Variants in USP36 observed in about 807,000 individuals in gnomAD.
The protein encoded by USP36 is ubiquitin specific peptidase 36.
In USP36, 59 loss-of-function variants were observed where a neutral mutation model predicts 111.5. The observed-to-expected ratio is 0.53, with a 90% CI of 0.43 to 0.66. The LOEUF (loss-of-function observed/expected upper bound fraction) is 0.66, where lower values mean the gene tolerates loss of function less well. Among genes scored for constraint, USP36 ranks in the 30% least tolerant of loss-of-function variants. The probability of loss-of-function intolerance (pLI) is 0.00; values close to 1 mark genes in which losing one functional copy is unlikely to be tolerated. For missense variants in USP36, 1,488 were observed against 1,468.0 expected (o/e 1.01, Z -0.22); for synonymous variants, 628 against 581.0 (o/e 1.08, Z -1.16).
chr17:78,795,336 GGGT>G (rs1166055920), downstream of USP36, among the ~76,000 whole-genome samples: 1 of 152,236 alleles, frequency 6.6e-6, no homozygotes, highest in Non-Finnish European at 1.5e-5. This position sits in a 1 kb window ranked among gnomAD's most constrained non-coding sequence, Gnocchi z 4.5. Flanking sequence ...GGATACCGTG[GGGT>G]GGAGAAAGCT....
At chr17:78,806,334 C>T (rs62075588) in intron 14 of USP36, 48 bp from the exon 15 acceptor site, 49,679 of 1,609,926 alleles carry the variant, frequency 0.031, 881 homozygotes, top group Non-Finnish European at 0.036. Context: ...AAAAAGGTTT[C>T]CGTGAGTGAA....
chr17:78,822,300 G>A (rs192715755), intron 6 of USP36, among the ~76,000 whole-genome samples: 6 of 152,280 alleles, frequency 3.9e-5, no homozygotes, highest in East Asian at 1.9e-4. Context: ...AGAAATGTAC[G>A]TGTATCCTCA....
intron 12 of USP36, among the ~76,000 whole-genome samples, chr17:78,813,288 C>T (rs1483761080): frequency 6.6e-6 from 1 of 151,844 alleles, no homozygotes; most frequent in African/African-American, 2.4e-5. Context: ...ACACCTCAGC[C>T]ACACTCTGCA....
At chr17:78,789,707 A>C (rs891600956) in intron 3 of USP36, among the ~76,000 whole-genome samples, 9 of 152,318 alleles carry the variant, frequency 5.9e-5, no homozygotes, top group African/African-American at 1.9e-4. Context: ...GCTGTCACCA[A>C]CTGTTCCCTG....
At position 78,807,589 on chromosome 17, in the gene USP36, A is replaced by G; in HGVS notation, c.1455T>C (p.Ile485=). 6.3e-7 allele frequency: 1 copy of G among 1,589,118 alleles called. No individual in the cohort carries two copies. Among genetic ancestry groups the G allele is most frequent in the South Asian group, 1.1e-5 (1 of 86,990 alleles). The change falls in exon 14 of 21, where the codon ATT becomes ATC. Residue 485 remains isoleucine (I), a synonymous_variant. Transcript: ENST00000449938. ...AGCCATTCCTGGATATGGGCACACCAATCTCTTCAGTGGTGTGCGGCTTCT... is the reference window on the plus strand; with the variant it reads ...AGCCATTCCTGGATATGGGCACACCGATCTCTTCAGTGGTGTGCGGCTTCT... ...TMKKPHTTEE[I]GVPISRNGST...
Position 78,798,252 on chromosome 17 carries a change from C to T in USP36, c.*20+148G>A. 9.3e-7 allele frequency: 1 copy of T among 1,076,298 alleles called. No homozygotes were observed. The highest frequency in any genetic ancestry group is 1.3e-6 in the Non-Finnish European group (1 of 763,232). The allele number at this position is 1,076,298 out of a possible 1,614,324, so 66.7% of individuals were successfully genotyped here. The stretch of plus-strand genomic sequence containing the variant: ...ACTAGGACACACACCACAGACGCGC[C>T]CACACCACACACACCACCCAACACA... On this transcript the variant is annotated intron_variant, in intron 20 of 20. Transcript: ENST00000449938. This position sits in a 1 kb window ranked among gnomAD's most constrained non-coding sequence, Gnocchi z 5.1.
chr17:78,806,129 C>T, intron 15 of USP36, 27 bp downstream of exon 15: 1 of 1,612,100 alleles, frequency 6.2e-7, no homozygotes, highest in Non-Finnish European at 8.5e-7. Context: ...CCAGTTGGCA[C>T]CCAGAAGATC....
intron 4 of USP36, among the ~76,000 whole-genome samples, chr17:78,830,448 G>A (rs1490740706): frequency 1.3e-5 from 2 of 152,110 alleles, no homozygotes; most frequent in East Asian, 3.8e-4. Context: ...TGCTATCATA[G>A]ACATTTTGCA....
chr17:78,802,122 G>A (rs1375714774), intron 17 of USP36, among the ~76,000 whole-genome samples: 3 of 86,360 alleles, frequency 3.5e-5, no homozygotes, highest in Admixed American at 1.4e-4. Flanking sequence ...GCACACCCAC[G>A]CGGTCCCCCA....
rs760172673 is a variant in USP36, at chr17:78,835,544, G to C, written c.254-43C>G. The C allele has an allele frequency of 1.0e-5, 16 of 1,547,946 alleles. No homozygotes were observed. In the African/African-American group the frequency reaches 2.2e-4, roughly 21 times the overall value. The stretch of plus-strand genomic sequence containing the variant: ...AAGGGAAGAAAAGAGGAAGACGTAA[G>C]TCCACACACAGGTCGTCCACAAAAA... On this transcript the variant is annotated intron_variant, in intron 3 of 20. Transcript: ENST00000449938.
At chr17:78,813,924 A>G (rs1283555289) in intron 11 of USP36, 51 bp from the exon 12 acceptor site, 1 of 1,507,026 alleles carries the variant, frequency 6.6e-7, no homozygotes, top group African/African-American at 1.4e-5. Context: ...CAAGCATCCC[A>G]TTATCCTCAC....
chr17:78,832,187 C>G (rs1167411140), intron 4 of USP36, among the ~76,000 whole-genome samples: 1 of 152,214 alleles, frequency 6.6e-6, no homozygotes, highest in Non-Finnish European at 1.5e-5. Context: ...ACTATTTACA[C>G]AGTGTTTCTC....
intron 3 of USP36, among the ~76,000 whole-genome samples, chr17:78,789,224 G>C (rs1471813482): frequency 7.2e-6 from 1 of 139,126 alleles, no homozygotes; most frequent in Non-Finnish European, 1.6e-5. Context: ...AAAAAAAGGA[G>C]ATGAGGTTTA....
chr17:78,805,091 C>G (rs1006614173), intron 15 of USP36, among the ~76,000 whole-genome samples: 1 of 152,112 alleles, frequency 6.6e-6, no homozygotes, highest in Non-Finnish European at 1.5e-5. Flanking sequence ...CTATGTGTCT[C>G]TAGGAAAATT....
chr17:78,832,477 A>G (rs752027387), intron 4 of USP36, among the ~76,000 whole-genome samples: 1 of 152,244 alleles, frequency 6.6e-6, no homozygotes, highest in Non-Finnish European at 1.5e-5. Flanking sequence ...TGGGACCGGT[A>G]TTGGAAGGAA....
rs1198913589 is a variant in USP36, at chr17:78,805,174, C to T, written c.2216+982G>A. On this transcript the variant is annotated intron_variant, in intron 15 of 20. Coordinates refer to ENST00000449938, the MANE Select transcript of USP36 (RefSeq NM_001385174.1). ...ACCACAAAGCCCACCTCCCAGGGTT[C>T]CTGCAGAAAACAGGACCCCCGTCAT... Among the ~76,000 whole-genome samples, 6 of 152,268 alleles carry T rather than the reference C, an allele frequency of 3.9e-5. No homozygotes were observed. The East Asian group carries it at 1.2e-3, about 29-fold the overall frequency.
At position 78,796,179 on chromosome 17, in the gene USP36, G is replaced by C. The variant is rs1465169807; in HGVS notation, c.*1721C>G. 1 of 152,214 alleles carries C rather than the reference G, an allele frequency of 6.6e-6. No homozygotes were observed. The highest frequency in any genetic ancestry group is 2.4e-5 in the African/African-American group (1 of 41,432). The allele number at this position is 152,214 out of a possible 1,614,324, so 9.4% of individuals were successfully genotyped here. On this transcript the variant is annotated 3_prime_UTR_variant, in exon 21 of 21. Coordinates refer to ENST00000449938, the MANE Select transcript of USP36 (RefSeq NM_001385174.1). ...AGAGACTGATTTGGAGGAGAGAAGG[G>C]AGAGAAAGGAACGAGATAAATTCTG...
At chr17:78,826,598 C>T (rs57718722) in intron 6 of USP36, 8,641 of 156,238 alleles carry the variant, frequency 0.055, 773 homozygotes, top group African/African-American at 0.19. Flanking sequence ...AGTATTTCTA[C>T]GATCCTAAGC....
In USP36 at chr17:78,803,402, C is replaced by G; in HGVS notation, c.2793G>C (p.Gln931His). ...GCCCTTACCTGTGCCGAAGTGGGTC[C>G]TGGTGCAGGCCGCCTTCTTCACCAA... ...EGLGEEGGLH[Q>H]DPLRHSCSPM... The change falls in exon 16 of 21, where the codon CAG becomes CAC. Residue 931 changes from glutamine (Q) to histidine (H), a missense_variant. By Grantham distance (24) the Gln-to-His change is conservative. Coordinates refer to ENST00000449938, the MANE Select transcript of USP36 (RefSeq NM_001385174.1). The surrounding 1 kb of genome is among the most constrained non-coding windows in gnomAD (Gnocchi z 4.6). 1 of 1,613,620 alleles carries G rather than the reference C, an allele frequency of 6.2e-7. No individual in the cohort carries two copies. The highest frequency in any genetic ancestry group is 2.2e-5 in the East Asian group (1 of 44,878).
Sources: gnomAD v4.1 joint callset for allele counts (sites outside exome capture counted in the v4.1 genomes callset) on GRCh38, gnomAD v4.1.1 for gene constraint, Gnocchi (gnomAD v3.1) non-coding constraint, MANE v1.5 for transcripts, NCBI Gene and HGNC (gene_info 2026-07-23, HGNC 2026-07-21) for gene names.